The following LMCD1 variants were observed in gnomAD, a reference collection of about 807,000 sequenced individuals.
LMCD1 encodes LIM and cysteine-rich domains protein 1.
In LMCD1, 32 loss-of-function variants were observed where a neutral mutation model predicts 42.7. The ratio of observed to expected loss-of-function variants is 0.75; its 90% CI spans 0.57 to 1.01. The LOEUF is 1.01. LMCD1 is among the 50% of genes least tolerant of loss of function. The probability of loss-of-function intolerance (pLI) is 0.00; values close to 1 mark genes in which losing one functional copy is unlikely to be tolerated. For synonymous variants in LMCD1, 178 were observed against 184.9 expected, an observed-to-expected ratio of 0.96 and a Z score of 0.30; for missense variants, 458 against 483.1, an observed-to-expected ratio of 0.95 and a Z score of 0.49.
chr3:8,556,436 A>G (rs938992785), intron 4 of LMCD1, among the ~76,000 whole-genome samples: 2 of 151,698 alleles, frequency 1.3e-5, no homozygotes, highest in Non-Finnish European at 2.9e-5. Context: ...GTGTTGGATC[A>G]GGACGTGTAA....
intron 1 of LMCD1, among the ~76,000 whole-genome samples, chr3:8,510,059 T>C (rs59674710): frequency 0.056 from 8,485 of 152,236 alleles, 461 homozygotes; most frequent in South Asian, 0.13. Flanking sequence ...GGCAGGAGCA[T>C]AGGGAAAGGG....
rs375705461 is a variant in LMCD1 at position 8,540,933 on chromosome 3, G to C, written c.387+3493G>C. 5.5e-4 allele frequency among the ~76,000 whole-genome samples: 84 copies of C among 152,224 alleles called. 1 individual carries two copies. The East Asian group carries it at 0.013, about 23-fold the overall frequency. On this transcript the variant is annotated intron_variant, in intron 3 of 5. Transcript: ENST00000157600. ...GGCATTACTTATCAGTCAGAGTACT[G>C]TTTCCCATTGACTTCTTATCGGCCC...
At position 8,501,860 on chromosome 3, in the gene LMCD1, T is replaced by G; in HGVS notation, c.-79T>G. Reference sequence around the variant, plus strand: ...CTCCCAGGCCCGCGAACTTGGCCATTCAGCCGCCGCTGTCCCCGCTGCGCG... The same window carrying G: ...CTCCCAGGCCCGCGAACTTGGCCATGCAGCCGCCGCTGTCCCCGCTGCGCG... On this transcript the variant is annotated 5_prime_UTR_variant, in exon 1 of 6. The change creates a new upstream start codon in the 5' untranslated region. Transcript: ENST00000157600. 1 of 1,386,048 alleles carries G rather than the reference T, an allele frequency of 7.2e-7. No individual in the cohort carries two copies. The highest frequency in any genetic ancestry group is 9.9e-7 in the Non-Finnish European group (1 of 1,005,810). The allele number at this position is 1,386,048 out of a possible 1,614,324, so 85.9% of individuals were successfully genotyped here. A position where few individuals can be genotyped will look rare whatever the true frequency, so the allele number is the denominator to read the frequency against.
At chr3:8,549,154 G>A (rs1211059837) in intron 4 of LMCD1, among the ~76,000 whole-genome samples, 3 of 152,184 alleles carry the variant, frequency 2.0e-5, no homozygotes, top group Non-Finnish European at 4.4e-5. Flanking sequence ...TTAGAGAAGG[G>A]ACATCTAAGC....
At chr3:8,514,041 A>T (rs944188067) in intron 1 of LMCD1, among the ~76,000 whole-genome samples, 1 of 152,106 alleles carries the variant, frequency 6.6e-6, no homozygotes, top group Admixed American at 6.6e-5. Context: ...CTTCATTTTG[A>T]ATATTTATGT....
At chr3:8,556,964 A>C (rs764320730) in intron 4 of LMCD1, among the ~76,000 whole-genome samples, 13 of 152,192 alleles carry the variant, frequency 8.5e-5, no homozygotes, top group Admixed American at 7.9e-4. Flanking sequence ...GTGACCACCA[A>C]CACCAGGCTA....
intron 3 of LMCD1, among the ~76,000 whole-genome samples, chr3:8,547,609 A>G (rs536570736): frequency 1.5e-4 from 23 of 152,302 alleles, no homozygotes; most frequent in Admixed American, 3.3e-4. Flanking sequence ...ATGCACTTAC[A>G]CAGCCAGGCG....
intron 1 of LMCD1, among the ~76,000 whole-genome samples, chr3:8,518,226 A>G (rs1175725946): frequency 6.6e-6 from 1 of 152,220 alleles, no homozygotes; most frequent in African/African-American, 2.4e-5. Flanking sequence ...ATTCCAAAGC[A>G]ATGAGCCCAG....
At chr3:8,524,191 C>T (rs993086433) in intron 1 of LMCD1, among the ~76,000 whole-genome samples, 3 of 141,484 alleles carry the variant, frequency 2.1e-5, no homozygotes, top group African/African-American at 8.0e-5. Flanking sequence ...AAAAATCATA[C>T]TTCTTAAGGA....
At chr3:8,528,548 C>T (rs775818890) in intron 1 of LMCD1, among the ~76,000 whole-genome samples, 32 of 152,150 alleles carry the variant, frequency 2.1e-4, no homozygotes, top group Non-Finnish European at 3.7e-4. Context: ...TTTAATGTTA[C>T]GTGATGCTTA....
intron 4 of LMCD1, chr3:8,550,399 G>A (rs990678585): frequency 2.0e-6 from 2 of 983,942 alleles, no homozygotes; most frequent in East Asian, 2.3e-4. Flanking sequence ...TCACACATGA[G>A]CCAGGCGACC....
At chr3:8,565,792 C>T in intron 5 of LMCD1, 145 bp downstream of exon 5, 1 of 756,994 alleles carries the variant, frequency 1.3e-6, no homozygotes, top group Non-Finnish European at 2.1e-6. Flanking sequence ...ATGCTCTCAA[C>T]CTTCATTTTC....
chr3:8,502,119 G>C (rs1693736187), intron 1 of LMCD1, 139 bp downstream of exon 1: 2 of 703,474 alleles, frequency 2.8e-6, no homozygotes, highest in Admixed American at 6.8e-5. Context: ...CAAATAGTTG[G>C]GAATACATGT....
At chr3:8,564,336 C>T (rs1227475233) in intron 4 of LMCD1, among the ~76,000 whole-genome samples, 1 of 152,122 alleles carries the variant, frequency 6.6e-6, no homozygotes, top group Non-Finnish European at 1.5e-5. Context: ...ACGATCATAG[C>T]TCACTGCAGC....
At position 8,573,421 on chromosome 3, in the gene LMCD1, C is replaced by G. The variant is rs560954305; in HGVS notation, c.*5823C>G. On this transcript the variant is annotated 3_prime_UTR_variant, in exon 6 of 6. Transcript: ENST00000157600. ...AAATATTGTCTTAGCAATTTTCAATCAAGCCTGTCCCATGGAGACACAAGC... is the reference window on the plus strand; with the variant it reads ...AAATATTGTCTTAGCAATTTTCAATGAAGCCTGTCCCATGGAGACACAAGC... 6.6e-6 allele frequency: 1 copy of G among 152,276 alleles called. No individual in the cohort carries two copies. The highest frequency in any genetic ancestry group is 1.9e-4 in the East Asian group (1 of 5,186). The allele number at this position is 152,276 out of a possible 1,614,324, so 9.4% of individuals were successfully genotyped here.
intron 1 of LMCD1, among the ~76,000 whole-genome samples, chr3:8,509,614 G>A (rs989927290): frequency 1.3e-5 from 2 of 152,150 alleles, no homozygotes; most frequent in Non-Finnish European, 2.9e-5. Context: ...TTTTCATAAG[G>A]CAGGAGACAG....
chr3:8,538,043 C>G (rs1030133450), intron 3 of LMCD1, among the ~76,000 whole-genome samples: 1 of 152,278 alleles, frequency 6.6e-6, no homozygotes, highest in Middle Eastern at 3.4e-3. Flanking sequence ...CCTAGCTGCT[C>G]GCTGGAATCC....
In LMCD1 at chr3:8,515,547, A is replaced by G. The variant is rs78839361; in HGVS notation, c.42+13567A>G. On this transcript the variant is annotated intron_variant, in intron 1 of 5. Coordinates refer to ENST00000157600, the MANE Select transcript of LMCD1 (RefSeq NM_014583.4). ...TACCATCATATCCTGTTTATGCTGA[A>G]ATTCTCCATGTTATGCTCCTTGAGA... Among the ~76,000 whole-genome samples the G allele has an allele frequency of 1.0e-2, 1,519 of 152,284 alleles. 21 individuals are homozygous for G. Among genetic ancestry groups the G allele is most frequent in the African/African-American group, 0.035 (1,459 of 41,542 alleles).
At chr3:8,555,352 C>G (rs529930308) in intron 4 of LMCD1, among the ~76,000 whole-genome samples, 1 of 152,302 alleles carries the variant, frequency 6.6e-6, no homozygotes, top group East Asian at 1.9e-4. Context: ...GCTGGCTTTC[C>G]TGCCAGCCCC....
Sources: allele counts gnomAD v4.1 joint callset (sites outside exome capture counted in the v4.1 genomes callset), GRCh38; gene constraint gnomAD v4.1.1; transcripts MANE v1.5; gene names NCBI Gene and HGNC (gene_info 2026-07-23, HGNC 2026-07-21).